The following EXOC6B variants were observed in gnomAD, a reference collection of about 807,000 sequenced individuals.
The protein encoded by EXOC6B is SEC15 homolog B.
EXOC6B carries 54 observed loss-of-function variants against 113.5 expected under a neutral mutation model. The observed-to-expected ratio is 0.48, with a 90% CI of 0.38 to 0.60. EXOC6B has a LOEUF of 0.60. Among genes scored for constraint, EXOC6B ranks in the 20% least tolerant of loss-of-function variants. EXOC6B has a pLI of 0.00. For synonymous variants in EXOC6B, 357 were observed against 339.0 expected, an observed-to-expected ratio of 1.05 and a Z score of -0.58; for missense variants, 797 against 977.5, an observed-to-expected ratio of 0.82 and a Z score of 2.46.
chr2:72,259,288 T>C (rs1683558297), intron 20 of EXOC6B, among the ~76,000 whole-genome samples: 1 of 152,224 alleles, frequency 6.6e-6, no homozygotes, highest in Non-Finnish European at 1.5e-5. Context: ...GATCATACAG[T>C]ATGTTCTCTT....
At chr2:72,324,150 CTA>C (rs1473959026) in intron 20 of EXOC6B, among the ~76,000 whole-genome samples, 1 of 152,050 alleles carries the variant, frequency 6.6e-6, no homozygotes, top group African/African-American at 2.4e-5. Flanking sequence ...TCTTTGATAA[CTA>C]TTTTTAATCT....
chr2:72,536,065 A>C (rs914327498), intron 8 of EXOC6B, among the ~76,000 whole-genome samples: 1 of 152,058 alleles, frequency 6.6e-6, no homozygotes, highest in Non-Finnish European at 1.5e-5. Context: ...TTTTATAGGG[A>C]GTCACATATA....
intron 1 of EXOC6B, among the ~76,000 whole-genome samples, chr2:72,762,376 G>T (rs1682795288): frequency 6.6e-6 from 1 of 151,924 alleles, no homozygotes; most frequent in Admixed American, 6.6e-5. Context: ...AGTCAGAAAA[G>T]GCTTCTTGGA....
intron 6 of EXOC6B, among the ~76,000 whole-genome samples, chr2:72,631,890 C>A (rs1465687019): frequency 1.3e-5 from 2 of 152,050 alleles, no homozygotes; most frequent in Non-Finnish European, 2.9e-5. Context: ...GTTACATATT[C>A]ATAACAGAAT....
intron 1 of EXOC6B, among the ~76,000 whole-genome samples, chr2:72,756,087 CTGT>C (rs1170628062): frequency 6.6e-6 from 1 of 152,016 alleles, no homozygotes; most frequent in Non-Finnish European, 1.5e-5. Context: ...ACGTTTTTAA[CTGT>C]GTTGGGGCGG....
intron 20 of EXOC6B, among the ~76,000 whole-genome samples, chr2:72,260,517 C>T (rs1006964731): frequency 1.3e-5 from 2 of 152,148 alleles, no homozygotes; most frequent in Admixed American, 6.6e-5. Context: ...TCAAAGATTC[C>T]CTTTTCCTGC....
At chr2:72,432,821 A>G (rs1377890278) in intron 18 of EXOC6B, among the ~76,000 whole-genome samples, 4 of 152,076 alleles carry the variant, frequency 2.6e-5, no homozygotes, top group African/African-American at 9.7e-5. Flanking sequence ...CCTTTGTCAG[A>G]CGGATAAATT....
intron 1 of EXOC6B, among the ~76,000 whole-genome samples, chr2:72,793,856 A>G (rs1684809674): frequency 6.6e-6 from 1 of 152,192 alleles, no homozygotes. Context: ...TTGTACCCAG[A>G]GTAGGAAGTA....
chr2:72,493,653 T>C (rs1170256300), intron 15 of EXOC6B, among the ~76,000 whole-genome samples: 1 of 152,062 alleles, frequency 6.6e-6, no homozygotes, highest in Non-Finnish European at 1.5e-5. Flanking sequence ...TTAAGATGAG[T>C]ATGAATGCTA....
At chr2:72,362,508 GATTTTAT>G (rs1446423768) in intron 19 of EXOC6B, among the ~76,000 whole-genome samples, 1 of 151,924 alleles carries the variant, frequency 6.6e-6, no homozygotes, top group East Asian at 1.9e-4. Flanking sequence ...TGTTTCAAAT[GATTTTAT>G]ATATATTATC....
intron 19 of EXOC6B, among the ~76,000 whole-genome samples, chr2:72,369,810 T>G (rs1014108424): frequency 6.6e-6 from 1 of 152,226 alleles, no homozygotes; most frequent in Non-Finnish European, 1.5e-5. Flanking sequence ...GCTAGCCGTA[T>G]GTAGAAAGCT....
chr2:72,729,272 T>C (rs1680491615), intron 5 of EXOC6B, among the ~76,000 whole-genome samples: 1 of 151,842 alleles, frequency 6.6e-6, no homozygotes, highest in Admixed American at 6.6e-5. Flanking sequence ...AACTGTAATT[T>C]TTTAAAGTAT....
chr2:72,566,482 T>C (rs528060169), intron 7 of EXOC6B, among the ~76,000 whole-genome samples: 1 of 152,314 alleles, frequency 6.6e-6, no homozygotes, highest in African/African-American at 2.4e-5. Context: ...ACAAAGCTGC[T>C]ATAAATATTA....
At chr2:72,702,189 G>C (rs1558932225) in intron 6 of EXOC6B, among the ~76,000 whole-genome samples, 2 of 150,194 alleles carry the variant, frequency 1.3e-5, no homozygotes, top group East Asian at 4.0e-4. Context: ...TTTTGTTCTT[G>C]CAATAGTTTA....
chr2:72,300,783 A>G (rs1212922947), intron 20 of EXOC6B, among the ~76,000 whole-genome samples: 1 of 151,912 alleles, frequency 6.6e-6, no homozygotes, highest in African/African-American at 2.4e-5. Context: ...TGGGGGAGGG[A>G]AATCCCCCGA....
intron 20 of EXOC6B, among the ~76,000 whole-genome samples, chr2:72,329,547 A>C (rs1475904805): frequency 6.6e-6 from 1 of 152,118 alleles, no homozygotes; most frequent in Non-Finnish European, 1.5e-5. Context: ...AATACAAATA[A>C]TTATTAAAGT....
At chr2:72,750,202 A>G (rs544254251) in intron 1 of EXOC6B, among the ~76,000 whole-genome samples, 1 of 152,122 alleles carries the variant, frequency 6.6e-6, no homozygotes, top group Admixed American at 6.6e-5. Context: ...AGTGACCACA[A>G]TTTAAAACTC....
At chr2:72,632,459 G>T (rs894680275) in intron 6 of EXOC6B, among the ~76,000 whole-genome samples, 6 of 152,052 alleles carry the variant, frequency 3.9e-5, no homozygotes, top group African/African-American at 1.4e-4. Flanking sequence ...CTATCCTAAA[G>T]AAATTATCTT....
At chr2:72,768,803 C>T (rs1232014383) in intron 1 of EXOC6B, among the ~76,000 whole-genome samples, 1 of 152,042 alleles carries the variant, frequency 6.6e-6, no homozygotes, top group Non-Finnish European at 1.5e-5. Context: ...AAACCCAAAG[C>T]ATGATGAATG....
Sources: gnomAD v4.1 joint callset for allele counts (sites outside exome capture counted in the v4.1 genomes callset) on GRCh38, gnomAD v4.1.1 for gene constraint, MANE v1.5 for transcripts, NCBI Gene and HGNC (gene_info 2026-07-23, HGNC 2026-07-21) for gene names.